ZNF157: variants seen among roughly 807,000 people sequenced by gnomAD.
ZNF157 encodes the protein zinc finger protein 157.
Under a neutral mutation model 9.4 loss-of-function variants are expected in ZNF157, and 8 were observed. The ratio of observed to expected loss-of-function variants is 0.85; its 90% confidence interval spans 0.50 to 1.53. The LOEUF (loss-of-function observed/expected upper bound fraction) is 1.53. Among genes scored for constraint, ZNF157 ranks in the 40% most tolerant of loss-of-function variants. The probability of loss-of-function intolerance (pLI) is 0.00; values close to 1 mark genes in which losing one functional copy is unlikely to be tolerated. For missense variants in ZNF157, 316 were observed against 385.2 expected (o/e 0.82, Z 1.50); for synonymous variants, 120 against 130.8 (o/e 0.92, Z 0.56).
At chrX:47,372,709 G>T (rs1344463663) in intron 1 of ZNF157, among the ~76,000 whole-genome samples, 2 of 108,758 alleles carry the variant, frequency 1.8e-5, no homozygotes, top group Non-Finnish European at 3.8e-5. Flanking sequence ...GGTCAGGCTG[G>T]TCTCAAACTC....
chrX:47,382,956 C>T (rs1158067520), intron 1 of ZNF157, among the ~76,000 whole-genome samples: 1 of 110,997 alleles, frequency 9.0e-6, no homozygotes, highest in Non-Finnish European at 1.9e-5. Context: ...AATTTGCTGC[C>T]TCAGCTTCCC....
intron 1 of ZNF157, among the ~76,000 whole-genome samples, chrX:47,394,058 G>T (rs948939257): frequency 9.3e-6 from 1 of 108,094 alleles, no homozygotes; most frequent in Admixed American, 1.0e-4. Context: ...TGCCTCCCAG[G>T]TTCACACCAT....
intron 1 of ZNF157, among the ~76,000 whole-genome samples, chrX:47,403,936 G>A (rs1265096729): frequency 9.0e-6 from 1 of 111,309 alleles, no homozygotes; most frequent in African/African-American, 3.3e-5. Flanking sequence ...TTGGGAGGCC[G>A]AGGCGGGCAG....
chrX:47,398,144 G>A (rs1244815117), intron 1 of ZNF157, among the ~76,000 whole-genome samples: 1 of 110,327 alleles, frequency 9.1e-6, no homozygotes, highest in Non-Finnish European at 1.9e-5. Flanking sequence ...GGAGCCATTT[G>A]CATTTTTACC....
At chrX:47,377,738 T>A (rs1472473379) in intron 1 of ZNF157, among the ~76,000 whole-genome samples, 2 of 99,754 alleles carry the variant, frequency 2.0e-5, no homozygotes, top group Non-Finnish European at 3.9e-5. Context: ...AGCCTTTTTT[T>A]TTTTTTTTTT....
intron 1 of ZNF157, among the ~76,000 whole-genome samples, chrX:47,371,852 C>T (rs964471319): frequency 2.1e-4 from 23 of 111,800 alleles, no homozygotes; most frequent in African/African-American, 7.5e-4. Flanking sequence ...CGTGATCCAC[C>T]TGCCTCAGCC....
intron 1 of ZNF157, among the ~76,000 whole-genome samples, chrX:47,405,677 AT>A (rs1490389682): frequency 9.0e-6 from 1 of 110,533 alleles, no homozygotes; most frequent in Non-Finnish European, 1.9e-5. Context: ...TATTTTATTT[AT>A]TTTTTTGATT....
chrX:47,371,886 C>T (rs919892911), intron 1 of ZNF157, among the ~76,000 whole-genome samples: 4 of 111,805 alleles, frequency 3.6e-5, no homozygotes, highest in African/African-American at 9.7e-5. Flanking sequence ...GGATTACAGG[C>T]GTAAGCCACC....
At chrX:47,405,390 GA>G (rs1381304142) in intron 1 of ZNF157, among the ~76,000 whole-genome samples, 68 of 99,571 alleles carry the variant, frequency 6.8e-4, no homozygotes, top group South Asian at 3.2e-3. Context: ...ACTCTGTCTT[GA>G]AAAAAAAAAA....
intron 1 of ZNF157, among the ~76,000 whole-genome samples, chrX:47,384,483 A>G (rs1212165784): frequency 2.7e-5 from 3 of 112,085 alleles, no homozygotes; most frequent in Admixed American, 9.6e-5. Flanking sequence ...ACCTCAATGT[A>G]TTATGGAGAT....
chrX:47,390,034 G>A (rs1220026974), intron 1 of ZNF157: 1 of 112,005 alleles, frequency 8.9e-6, no homozygotes, highest in Non-Finnish European at 1.9e-5. Flanking sequence ...TTCCCTTCCT[G>A]TTTGATGTCT....
intron 3 of ZNF157, among the ~76,000 whole-genome samples, chrX:47,412,103 C>A (rs1020855649): frequency 9.0e-6 from 1 of 111,064 alleles, no homozygotes; most frequent in African/African-American, 3.3e-5. Context: ...GGATTACAGG[C>A]GGGCACCATT....
At chrX:47,377,354 A>T (rs1264844122) in intron 1 of ZNF157, among the ~76,000 whole-genome samples, 1 of 109,744 alleles carries the variant, frequency 9.1e-6, no homozygotes, top group African/African-American at 3.3e-5. Flanking sequence ...CTCTTTCTCT[A>T]TTGCAGTTTC....
At chrX:47,393,905 T>A (rs1279013088) in intron 1 of ZNF157, among the ~76,000 whole-genome samples, 1 of 108,761 alleles carries the variant, frequency 9.2e-6, no homozygotes, top group Non-Finnish European at 1.9e-5. Context: ...GGCACTTAAC[T>A]AATTCTGTTT....
At chrX:47,408,165 C>T (rs773392856) in intron 1 of ZNF157, among the ~76,000 whole-genome samples, 50 of 109,714 alleles carry the variant, frequency 4.6e-4, no homozygotes, top group Non-Finnish European at 8.6e-4. Context: ...TGCAAGGGCA[C>T]GATCTCGGCT....
chrX:47,400,693 G>A (rs1350588085), intron 1 of ZNF157, among the ~76,000 whole-genome samples: 2 of 111,635 alleles, frequency 1.8e-5, no homozygotes, highest in Non-Finnish European at 3.8e-5. Flanking sequence ...GCCTTGCTCT[G>A]TAACCAAGGT....
At chrX:47,402,662 C>A (rs2147411947) in intron 1 of ZNF157, among the ~76,000 whole-genome samples, 1 of 107,747 alleles carries the variant, frequency 9.3e-6, no homozygotes, top group East Asian at 3.0e-4. Context: ...GCCTCAGCCT[C>A]CCGAGTAGCT....
chrX:47,372,213 C>A (rs891028218), intron 1 of ZNF157, among the ~76,000 whole-genome samples: 5 of 110,619 alleles, frequency 4.5e-5, no homozygotes, highest in Non-Finnish European at 9.4e-5. Flanking sequence ...ACCAGAAAGA[C>A]TAAGGTAGGT....
At chrX:47,381,519 C>T (rs889928604) in intron 1 of ZNF157, among the ~76,000 whole-genome samples, 13 of 111,644 alleles carry the variant, frequency 1.2e-4, no homozygotes, top group African/African-American at 4.2e-4. Context: ...TTGGTGCTAA[C>T]GTAAATGGTA....
Sources: gnomAD v4.1 joint callset for allele counts (sites outside exome capture counted in the v4.1 genomes callset) on GRCh38, gnomAD v4.1.1 for gene constraint, MANE v1.5 for transcripts, NCBI Gene and HGNC (gene_info 2026-07-23, HGNC 2026-07-21) for gene names.